PLSCR2: variants seen among roughly 807,000 people sequenced by gnomAD.
The protein encoded by PLSCR2 is PL scramblase 2.
Under a neutral mutation model 25.3 loss-of-function variants are expected in PLSCR2, and 18 were observed. The observed-to-expected ratio is 0.71, with a 90% CI of 0.49 to 1.06. The LOEUF is 1.06. Among genes scored for constraint, PLSCR2 ranks in the 50% least tolerant of loss-of-function variants. The probability of loss-of-function intolerance (pLI) is 0.00; values close to 1 mark genes in which losing one functional copy is unlikely to be tolerated. For synonymous variants in PLSCR2, 88 were observed against 87.3 expected (o/e 1.01, Z -0.04); for missense variants, 243 against 269.5 (o/e 0.90, Z 0.69).
At chr3:146,395,209 A>G (rs1333645452) in intron 3 of PLSCR2, among the ~76,000 whole-genome samples, 1 of 152,216 alleles carries the variant, frequency 6.6e-6, no homozygotes, top group Non-Finnish European at 1.5e-5. Context: ...AACGCTAAAC[A>G]TATCTGTGAT....
exon 9 of PLSCR2, chr3:146,433,468 C>T (rs1187452307): frequency 1.3e-5 from 2 of 152,040 alleles, no homozygotes; most frequent in African/African-American, 4.8e-5. Flanking sequence ...AAGGAAGGAA[C>T]CGTTTAGATC....
At chr3:146,463,582 G>A (rs1019502479), upstream of PLSCR2, among the ~76,000 whole-genome samples, 2 of 152,144 alleles carry the variant, frequency 1.3e-5, no homozygotes, top group African/African-American at 4.8e-5. Context: ...TCCATCTACT[G>A]TAGATCCCAG....
chr3:146,408,301 A>G (rs1481452836), intron 2 of PLSCR2, among the ~76,000 whole-genome samples: 3 of 152,094 alleles, frequency 2.0e-5, no homozygotes, highest in South Asian at 2.1e-4. Context: ...GCTTTCGTGG[A>G]CAAACAGGTG....
chr3:146,425,711 A>G (rs1576598593), intron 2 of PLSCR2, among the ~76,000 whole-genome samples: 2 of 152,026 alleles, frequency 1.3e-5, no homozygotes, highest in African/African-American at 4.8e-5. Flanking sequence ...AGTGAGGTTC[A>G]TGAAAATAAA....
At chr3:146,392,762 G>A (rs1027795976) in intron 3 of PLSCR2, among the ~76,000 whole-genome samples, 3 of 150,154 alleles carry the variant, frequency 2.0e-5, no homozygotes, top group African/African-American at 7.3e-5. Context: ...GACCTATTTT[G>A]TCTAGAGTAC....
At chr3:146,400,329 C>G (rs894998334) in intron 2 of PLSCR2, among the ~76,000 whole-genome samples, 1 of 151,184 alleles carries the variant, frequency 6.6e-6, no homozygotes, top group Non-Finnish European at 1.5e-5. Context: ...TTTCTATATA[C>G]AATATACTAT....
At chr3:146,476,514 G>A (rs2042290723) in intron 1 of PLSCR2, among the ~76,000 whole-genome samples, 1 of 152,198 alleles carries the variant, frequency 6.6e-6, no homozygotes, top group Non-Finnish European at 1.5e-5. Context: ...CTCCCAGGGG[G>A]AGGGGAAGCC....
chr3:146,393,321 C>T (rs919566544), intron 3 of PLSCR2, among the ~76,000 whole-genome samples: 47 of 151,194 alleles, frequency 3.1e-4, no homozygotes, highest in Admixed American at 2.4e-3. Flanking sequence ...AGCCACCGTG[C>T]CCAGCCTACA....
intron 2 of PLSCR2, among the ~76,000 whole-genome samples, chr3:146,417,899 G>A (rs1365337788): frequency 6.6e-6 from 1 of 151,998 alleles, no homozygotes; most frequent in African/African-American, 2.4e-5. Flanking sequence ...CAACACAAAT[G>A]TACTGCTTTA....
At chr3:146,400,402 T>A (rs6440430) in intron 2 of PLSCR2, among the ~76,000 whole-genome samples, 1 of 150,892 alleles carries the variant, frequency 6.6e-6, no homozygotes, top group Non-Finnish European at 1.5e-5. Flanking sequence ...TCTAGAAATA[T>A]AAAATAATTA....
At chr3:146,427,668 T>C (rs1271891025) in intron 2 of PLSCR2, among the ~76,000 whole-genome samples, 9 of 152,176 alleles carry the variant, frequency 5.9e-5, no homozygotes, top group Admixed American at 5.9e-4. Flanking sequence ...CTGAGCAAAC[T>C]TTCTGTCTTA....
chr3:146,396,007 G>C (rs1234030361), intron 2 of PLSCR2: 4 of 240,096 alleles, frequency 1.7e-5, no homozygotes, highest in Non-Finnish European at 3.4e-5. Flanking sequence ...TTATGACCTT[G>C]ATGAGTTATA....
intron 2 of PLSCR2, among the ~76,000 whole-genome samples, chr3:146,414,029 G>T (rs1339324096): frequency 6.6e-6 from 1 of 152,180 alleles, no homozygotes; most frequent in Admixed American, 6.5e-5. Context: ...CTGGCACCTT[G>T]TGAGAGCCTT....
chr3:146,441,916 G>A lies in PLSCR2; in HGVS notation c.646-95C>T, dbSNP rs987164115. On this transcript the variant is annotated intron_variant, in intron 6 of 6. Coordinates refer to ENST00000610787, the Ensembl canonical transcript of PLSCR2. The stretch of plus-strand genomic sequence containing the variant: ...GGGATCTGATGAAACACAGTTAATT[G>A]TCTGTTAAATAAGAAAAATTAACTA... The A allele has an allele frequency of 4.3e-5, 32 of 743,656 alleles. No homozygotes were observed. In the African/African-American group the frequency reaches 5.7e-4, roughly 13 times the overall value. 46.1% of individuals were successfully genotyped at this position (743,656 alleles called of 1,614,324 possible).
At chr3:146,489,754 C>T (rs767181348) in intron 1 of PLSCR2, among the ~76,000 whole-genome samples, 69 of 152,176 alleles carry the variant, frequency 4.5e-4, no homozygotes, top group Admixed American at 1.0e-3. Flanking sequence ...AGGACCTTTG[C>T]CATTACAGAA....
chr3:146,419,370 T>C (rs2039077771), intron 2 of PLSCR2, among the ~76,000 whole-genome samples: 1 of 152,092 alleles, frequency 6.6e-6, no homozygotes, highest in South Asian at 2.1e-4. Context: ...TGTAAAGTAA[T>C]CCAGGAATTT....
intron 5 of PLSCR2, among the ~76,000 whole-genome samples, chr3:146,450,242 T>C (rs1332537408): frequency 6.6e-6 from 1 of 152,168 alleles, no homozygotes. Context: ...ATCAGAAATA[T>C]AAATAATGAC....
intron 1 of PLSCR2, among the ~76,000 whole-genome samples, chr3:146,472,346 A>G (rs2042145832): frequency 6.6e-6 from 1 of 152,100 alleles, no homozygotes; most frequent in Admixed American, 6.6e-5. Flanking sequence ...AGAGGTATTA[A>G]AATTGAGAAA....
At chr3:146,484,431 TG>T (rs1430520720) in intron 1 of PLSCR2, among the ~76,000 whole-genome samples, 2 of 151,964 alleles carry the variant, frequency 1.3e-5, no homozygotes, top group Non-Finnish European at 2.9e-5. Flanking sequence ...ATTTGGCAAA[TG>T]CAGAGAACAC....
Sources: gnomAD v4.1 joint callset for allele counts (sites outside exome capture counted in the v4.1 genomes callset) on GRCh38, gnomAD v4.1.1 for gene constraint, MANE v1.5 for transcripts, NCBI Gene and HGNC (gene_info 2026-07-23, HGNC 2026-07-21) for gene names.